CTNNA3: variants seen among roughly 807,000 people sequenced by gnomAD.
CTNNA3 encodes catenin alpha 3.
A neutral mutation model predicts 95.7 loss-of-function variants in CTNNA3; 76 were observed. The observed-to-expected ratio is 0.79, with a 90% confidence interval of 0.66 to 0.96. CTNNA3 has a LOEUF of 0.96. Ranked by LOEUF, CTNNA3 falls within the 40% of genes least tolerant of loss-of-function variation. The probability of loss-of-function intolerance (pLI) is 0.00; values close to 1 mark genes in which losing one functional copy is unlikely to be tolerated. For synonymous variants in CTNNA3, 431 were observed against 374.4 expected (o/e 1.15, Z -1.74); for missense variants, 1,191 against 1,089.8 (o/e 1.09, Z -1.31).
chr10:66,214,490 G>A (rs190633786), intron 13 of CTNNA3, among the ~76,000 whole-genome samples: 6 of 152,196 alleles, frequency 3.9e-5, no homozygotes. Context: ...TAGATAGGCT[G>A]CCTGGACAAT....
intron 13 of CTNNA3, among the ~76,000 whole-genome samples, chr10:66,111,051 G>A (rs906168783): frequency 2.0e-5 from 3 of 152,180 alleles, no homozygotes; most frequent in African/African-American, 4.8e-5. Context: ...ATCTAATATG[G>A]TTTGGATTTG....
intron 14 of CTNNA3, among the ~76,000 whole-genome samples, chr10:66,101,612 A>G (rs1429498235): frequency 6.6e-6 from 1 of 152,218 alleles, no homozygotes; most frequent in Non-Finnish European, 1.5e-5. Context: ...CTGTAAAAAC[A>G]AATATGTAGA....
At chr10:66,992,408 C>T (rs76422332) in intron 7 of CTNNA3, among the ~76,000 whole-genome samples, 2,048 of 152,116 alleles carry the variant, frequency 0.013, 49 homozygotes, top group African/African-American at 0.046. Flanking sequence ...CCTCCTCCTC[C>T]TCCTCCACTC....
intron 1 of CTNNA3, among the ~76,000 whole-genome samples, chr10:67,704,835 C>T (rs1448260593): frequency 6.6e-6 from 1 of 152,188 alleles, no homozygotes; most frequent in African/African-American, 2.4e-5. Context: ...TCAGAGTGAA[C>T]AGGCAACCTA....
chr10:67,143,160 G>C (rs1345314164), intron 7 of CTNNA3, among the ~76,000 whole-genome samples: 4 of 152,128 alleles, frequency 2.6e-5, no homozygotes, highest in African/African-American at 9.6e-5. Context: ...ATCTGGGCCA[G>C]GCGCGGTGGC....
At chr10:67,648,665 G>C in intron 1 of CTNNA3, 1 of 1,052,668 alleles carries the variant, frequency 9.5e-7, no homozygotes, top group Non-Finnish European at 1.3e-6. Context: ...TCAAATCAAA[G>C]TTTCAAATTA....
intron 12 of CTNNA3, among the ~76,000 whole-genome samples, chr10:66,371,347 T>C (rs2092752952): frequency 6.6e-6 from 1 of 152,180 alleles, no homozygotes; most frequent in African/African-American, 2.4e-5. Flanking sequence ...GTCTTGGCCA[T>C]AGAATCATAT....
chr10:66,595,525 C>T lies in CTNNA3; in HGVS notation c.1374+26167G>A, dbSNP rs112570846. On this transcript the variant is annotated intron_variant, in intron 10 of 17. Transcript: ENST00000433211. ...CTAATTTTTGTATTTTTAGTAGAAA[C>T]GGGGTTTCACCATGTTGGCCAGGCT... Among the ~76,000 whole-genome samples, 321 of 151,994 alleles carry T rather than the reference C, an allele frequency of 2.1e-3. 2 individuals carry two copies. The highest frequency in any genetic ancestry group is 3.9e-3 in the Non-Finnish European group (266 of 67,966).
chr10:67,460,782 A>G (rs192903161), intron 5 of CTNNA3, among the ~76,000 whole-genome samples: 2,423 of 152,262 alleles, frequency 0.016, 27 homozygotes, highest in Non-Finnish European at 0.025. Flanking sequence ...ATTAATCATA[A>G]AAGAAGATAC....
chr10:67,596,978 T>C (rs1373963009), intron 3 of CTNNA3, among the ~76,000 whole-genome samples: 1 of 152,216 alleles, frequency 6.6e-6, no homozygotes, highest in Admixed American at 6.5e-5. Flanking sequence ...TTTTCCTTTA[T>C]TTTTATCTGA....
chr10:66,274,692 A>G (rs1238683618), intron 13 of CTNNA3, among the ~76,000 whole-genome samples: 2 of 152,132 alleles, frequency 1.3e-5, no homozygotes, highest in Non-Finnish European at 2.9e-5. Context: ...TCTAATTTAC[A>G]TGCAACTTTA....
At chr10:67,347,832 GA>G (rs71006142) in intron 5 of CTNNA3, among the ~76,000 whole-genome samples, 8,992 of 133,850 alleles carry the variant, frequency 0.067, 376 homozygotes, top group African/African-American at 0.13. Context: ...GTGTTTTCCT[GA>G]AAAAAAAAAA....
intron 6 of CTNNA3, among the ~76,000 whole-genome samples, chr10:67,207,358 T>G (rs1303871957): frequency 6.6e-6 from 1 of 152,216 alleles, no homozygotes; most frequent in East Asian, 1.9e-4. Context: ...AAGTCTTAGG[T>G]ATCTTATGCA....
chr10:67,181,098 T>C (rs530563462), intron 6 of CTNNA3, among the ~76,000 whole-genome samples: 1 of 152,308 alleles, frequency 6.6e-6, no homozygotes, highest in Non-Finnish European at 1.5e-5. Context: ...CAAGTATCCA[T>C]GTCTTTCAAT....
intron 7 of CTNNA3, among the ~76,000 whole-genome samples, chr10:66,838,474 A>G (rs929678329): frequency 6.6e-6 from 1 of 152,160 alleles, no homozygotes; most frequent in Non-Finnish European, 1.5e-5. Context: ...TGTACTTGAC[A>G]ATTCTGAAAG....
chr10:66,468,571 ATATTG>A (rs1227218900), intron 11 of CTNNA3, among the ~76,000 whole-genome samples: 1 of 151,934 alleles, frequency 6.6e-6, no homozygotes, highest in Non-Finnish European at 1.5e-5. Context: ...ATAATTAATG[ATATTG>A]TATTGTATCT....
At chr10:66,506,288 T>G (rs1197075491) in intron 11 of CTNNA3, among the ~76,000 whole-genome samples, 2 of 152,136 alleles carry the variant, frequency 1.3e-5, no homozygotes, top group African/African-American at 4.8e-5. Context: ...GGGTTGAATG[T>G]CCAAACCACA....
rs570939804 is a variant in CTNNA3, at chr10:66,134,222, C to G, written c.1885-30973G>C. 2.0e-5 allele frequency among the ~76,000 whole-genome samples: 3 copies of G among 152,168 alleles called. No individual in the cohort carries two copies. In the South Asian group the frequency reaches 6.2e-4, roughly 32 times the overall value. Reference sequence around the variant, plus strand: ...TTAAATAAGAGGTATTAAGACTCCACAAATATGTCATTTCCACCCTGTTAG... The same window carrying G: ...TTAAATAAGAGGTATTAAGACTCCAGAAATATGTCATTTCCACCCTGTTAG... On this transcript the variant is annotated intron_variant, in intron 13 of 17. Coordinates refer to ENST00000433211, the MANE Select transcript of CTNNA3 (RefSeq NM_013266.4).
At chr10:66,213,153 T>G (rs1330340402) in intron 13 of CTNNA3, among the ~76,000 whole-genome samples, 2 of 152,226 alleles carry the variant, frequency 1.3e-5, no homozygotes, top group East Asian at 1.9e-4. Flanking sequence ...GTAGTTTTGC[T>G]TTAATTTAAA....
Sources: allele counts gnomAD v4.1 joint callset (sites outside exome capture counted in the v4.1 genomes callset), GRCh38; gene constraint gnomAD v4.1.1; transcripts MANE v1.5; gene names NCBI Gene and HGNC (gene_info 2026-07-23, HGNC 2026-07-21).